RMDN2: variants seen among roughly 807,000 people sequenced by gnomAD.
The protein encoded by RMDN2 is regulator of microtubule dynamics 2, also known as regulator of microtubule dynamics protein 2.
A neutral mutation model predicts 52.8 loss-of-function variants in RMDN2; 61 were observed. The ratio of observed to expected loss-of-function variants is 1.16; its 90% confidence interval spans 0.94 to 1.43. RMDN2 has a LOEUF of 1.43. RMDN2 is among the 40% of genes most tolerant of loss of function. The probability of loss-of-function intolerance (pLI) is 0.00; values close to 1 mark genes in which losing one functional copy is unlikely to be tolerated. For missense variants in RMDN2, 592 were observed against 475.3 expected (o/e 1.25, Z -2.28); for synonymous variants, 180 against 153.1 (o/e 1.18, Z -1.30).
upstream of RMDN2, chr2:37,925,247 G>A (rs561595201): frequency 3.0e-4 from 46 of 152,522 alleles, no homozygotes; most frequent in African/African-American, 8.9e-4. Context: ...CGGGAGCGGG[G>A]GGCCGAGCGG....
intron 2 of RMDN2, among the ~76,000 whole-genome samples, chr2:37,940,292 T>A (rs906085786): frequency 1.3e-5 from 2 of 152,214 alleles, no homozygotes; most frequent in Non-Finnish European, 2.9e-5. Context: ...TAACTCGACC[T>A]TTCTCTCTGG....
chr2:37,983,311 C>T (rs2125107100), intron 5 of RMDN2, among the ~76,000 whole-genome samples: 1 of 152,276 alleles, frequency 6.6e-6, no homozygotes, highest in African/African-American at 2.4e-5. Flanking sequence ...TGAAATGTAT[C>T]TTGTGAGCAT....
chr2:38,033,939 CAT>C (rs1680398083), intron 10 of RMDN2, among the ~76,000 whole-genome samples: 1 of 152,234 alleles, frequency 6.6e-6, no homozygotes, highest in South Asian at 2.1e-4. Context: ...ACCAAGAACA[CAT>C]GTCTTGGTTC....
At chr2:37,992,846 A>C (rs1388408506) in intron 7 of RMDN2, among the ~76,000 whole-genome samples, 1 of 152,182 alleles carries the variant, frequency 6.6e-6, no homozygotes, top group East Asian at 1.9e-4. Context: ...TAAGGTTAAT[A>C]ATTTGCCCAG....
At chr2:37,965,942 C>T (rs1045435782) in intron 2 of RMDN2, among the ~76,000 whole-genome samples, 13 of 152,176 alleles carry the variant, frequency 8.5e-5, no homozygotes, top group Admixed American at 7.2e-4. Flanking sequence ...CGTCCCACTG[C>T]CTTCTGGTTT....
chr2:37,922,301 TAAC>T (rs984523381), upstream of RMDN2, among the ~76,000 whole-genome samples: 1 of 151,402 alleles, frequency 6.6e-6, no homozygotes, highest in Non-Finnish European at 1.5e-5. Flanking sequence ...GATTTGGAAA[TAAC>T]AACAAGGAAC....
chr2:38,026,856 A>G (rs1023979487), intron 10 of RMDN2: 3 of 152,176 alleles, frequency 2.0e-5, no homozygotes, highest in Non-Finnish European at 4.4e-5. Context: ...TGTTCATTCA[A>G]TGAAAAATAA....
chr2:38,041,954 A>G (rs1055989832), intron 10 of RMDN2, among the ~76,000 whole-genome samples: 2 of 152,116 alleles, frequency 1.3e-5, no homozygotes, highest in Admixed American at 6.5e-5. Flanking sequence ...GTACTTGAAA[A>G]TGCTGGCCTC....
At chr2:38,032,259 C>G (rs1442083613) in intron 10 of RMDN2, among the ~76,000 whole-genome samples, 3 of 152,182 alleles carry the variant, frequency 2.0e-5, no homozygotes, top group Non-Finnish European at 4.4e-5. Flanking sequence ...ACTCTCCCAC[C>G]TACCTGTACC....
intron 10 of RMDN2, among the ~76,000 whole-genome samples, chr2:38,041,483 A>T (rs1680951720): frequency 8.0e-6 from 1 of 124,400 alleles, no homozygotes. Context: ...TATGATGTTG[A>T]ATAAGACTGG....
At chr2:38,019,769 A>T (rs879731715), downstream of RMDN2, among the ~76,000 whole-genome samples, 1 of 152,048 alleles carries the variant, frequency 6.6e-6, no homozygotes, top group African/African-American at 2.4e-5. Context: ...TCCCATCTCT[A>T]CAAAAATTAG....
At chr2:37,977,450 G>A (rs1056536275) in intron 4 of RMDN2, among the ~76,000 whole-genome samples, 1 of 151,356 alleles carries the variant, frequency 6.6e-6, no homozygotes, top group Non-Finnish European at 1.5e-5. Flanking sequence ...CAGACGGGGC[G>A]GCTGGCTGGG....
upstream of RMDN2, among the ~76,000 whole-genome samples, chr2:37,922,759 G>A (rs1479739103): frequency 6.6e-6 from 1 of 152,246 alleles, no homozygotes; most frequent in African/African-American, 2.4e-5. Context: ...TTATGGGGAA[G>A]GAGAGAGTGT....
Position 38,065,290 on chromosome 2 carries a change from G to A in RMDN2, c.1714-1692G>A, listed in dbSNP as rs1277436113. On this transcript the variant is annotated intron_variant, in intron 10 of 10. Coordinates refer to the RMDN2 transcript ENST00000234195. ...AATAATACAAATTTTGCTGGAACAC[G>A]CAAACAAAAAGTGCATATTAAGCAT... Among the ~76,000 whole-genome samples the A allele has an allele frequency of 3.3e-5, 5 of 151,444 alleles. No individual in the cohort carries two copies. The South Asian group carries it at 8.3e-4, about 25-fold the overall frequency.
downstream of RMDN2, among the ~76,000 whole-genome samples, chr2:38,018,574 G>A (rs1010972301): frequency 1.3e-5 from 2 of 152,064 alleles, no homozygotes; most frequent in African/African-American, 2.4e-5. Context: ...TATAGGCAAC[G>A]GCACAGAACA....
chr2:37,971,581 C>T (rs760910360), intron 2 of RMDN2, among the ~76,000 whole-genome samples: 3 of 151,874 alleles, frequency 2.0e-5, no homozygotes, highest in Non-Finnish European at 4.4e-5. Context: ...CATCTTTTTC[C>T]ATAGAGATAA....
chr2:37,982,919 C>T (rs533063051), intron 5 of RMDN2, among the ~76,000 whole-genome samples: 1 of 152,198 alleles, frequency 6.6e-6, no homozygotes, highest in South Asian at 2.1e-4. Context: ...GCCCTACTCT[C>T]TCTCTTCATC....
chr2:37,999,165 A>C (rs1463139816), intron 8 of RMDN2, among the ~76,000 whole-genome samples: 1 of 152,236 alleles, frequency 6.6e-6, no homozygotes, highest in African/African-American at 2.4e-5. Flanking sequence ...AAAAGTGGTA[A>C]GTAGCACAAT....
At chr2:37,934,346 G>C (rs547520933) in intron 2 of RMDN2, among the ~76,000 whole-genome samples, 1 of 152,144 alleles carries the variant, frequency 6.6e-6, no homozygotes, top group Non-Finnish European at 1.5e-5. Flanking sequence ...ATGGACCTAT[G>C]CACTTATGCC....
Sources: gnomAD v4.1 joint callset for allele counts (sites outside exome capture counted in the v4.1 genomes callset) on GRCh38, gnomAD v4.1.1 for gene constraint, MANE v1.5 for transcripts, NCBI Gene and HGNC (gene_info 2026-07-23, HGNC 2026-07-21) for gene names.